LARGE1: variants seen among roughly 807,000 people sequenced by gnomAD.
The protein encoded by LARGE1 is LARGE xylosyl- and glucuronyltransferase 1.
In LARGE1, 43 loss-of-function variants were observed where a neutral mutation model predicts 87.6. The observed-to-expected ratio is 0.49, with a 90% CI of 0.38 to 0.63. The LOEUF (loss-of-function observed/expected upper bound fraction) is 0.63. Among genes scored for constraint, LARGE1 ranks in the 30% least tolerant of loss-of-function variants. LARGE1 has a pLI of 0.00. For synonymous variants in LARGE1, 434 were observed against 394.6 expected (o/e 1.10, Z -1.18); for missense variants, 802 against 1,000.2 (o/e 0.80, Z 2.67).
At chr22:33,144,204 T>C in the LARGE1 span, among the ~76,000 whole-genome samples, 7 of 152,138 alleles carry the variant, frequency 4.6e-5, no homozygotes, top group Admixed American at 6.6e-5. Context: ...AAAAAAGTGA[T>C]TGATGGCTTG....
chr22:33,905,139 C>T (rs1299441386), intron 1 of LARGE1, among the ~76,000 whole-genome samples: 2 of 146,778 alleles, frequency 1.4e-5, no homozygotes, highest in African/African-American at 5.1e-5. Context: ...GACCAGGGCT[C>T]ACTGTACCCT....
upstream of LARGE1, among the ~76,000 whole-genome samples, chr22:33,922,094 G>A (rs1484706056): frequency 2.6e-5 from 4 of 152,206 alleles, no homozygotes; most frequent in East Asian, 7.8e-4. Context: ...CGGGCGGGCC[G>A]CCGGGTCTTT....
chr22:33,189,907 G>C (rs1923686710), intron 11 of LARGE1, among the ~76,000 whole-genome samples: 1 of 152,234 alleles, frequency 6.6e-6, no homozygotes. Context: ...AGCCAGGCTT[G>C]CTGCATCTAA....
At chr22:33,418,979 G>T (rs769412048) in intron 7 of LARGE1, among the ~76,000 whole-genome samples, 1 of 152,122 alleles carries the variant, frequency 6.6e-6, no homozygotes, top group Non-Finnish European at 1.5e-5. Flanking sequence ...GAATCCCATT[G>T]TATTAGTCCA....
At chr22:33,141,291 A>G in the LARGE1 span, among the ~76,000 whole-genome samples, 63,980 of 151,684 alleles carry the variant, frequency 0.42, 13,943 homozygotes, top group South Asian at 0.68. Context: ...AACTGGCCTT[A>G]AAGATGCATA....
intron 12 of LARGE1, among the ~76,000 whole-genome samples, chr22:33,295,560 G>A (rs1602283155): frequency 6.6e-6 from 1 of 152,214 alleles, no homozygotes; most frequent in East Asian, 1.9e-4. Context: ...GGGCAGAGAG[G>A]AAGGAAGGAG....
At chr22:33,305,649 C>A in intron 11 of LARGE1, 2 of 965,496 alleles carry the variant, frequency 2.1e-6, no homozygotes, top group Non-Finnish European at 2.5e-6. Context: ...AATGGGCACA[C>A]CTATCTTGTT....
At chr22:33,138,241 A>T in the LARGE1 span, among the ~76,000 whole-genome samples, 1 of 151,992 alleles carries the variant, frequency 6.6e-6, no homozygotes. Context: ...TTAAGATTTG[A>T]CTGCCCCACT....
At chr22:33,855,333 C>CA (rs958333815) in intron 1 of LARGE1, among the ~76,000 whole-genome samples, 5 of 151,362 alleles carry the variant, frequency 3.3e-5, no homozygotes, top group South Asian at 4.2e-4. Context: ...GACCCCGTCT[C>CA]AAAAAAAATA....
At chr22:33,300,264 C>T (rs1403240523) in intron 12 of LARGE1, among the ~76,000 whole-genome samples, 4 of 152,174 alleles carry the variant, frequency 2.6e-5, no homozygotes, top group African/African-American at 7.2e-5. Context: ...TGGTAGTTAC[C>T]TTAAAGAGCA....
intron 3 of LARGE1, among the ~76,000 whole-genome samples, chr22:33,647,845 C>T (rs190278722): frequency 1.9e-3 from 284 of 152,228 alleles, no homozygotes; most frequent in African/African-American, 6.1e-3. Flanking sequence ...GCAATCTCCA[C>T]TTCCTGGGTT....
At chr22:33,853,487 A>T (rs999403566) in intron 1 of LARGE1, among the ~76,000 whole-genome samples, 7 of 152,342 alleles carry the variant, frequency 4.6e-5, no homozygotes, top group Non-Finnish European at 8.8e-5. Flanking sequence ...CTTGTTCAAC[A>T]TCTAGATGGC....
intron 3 of LARGE1, among the ~76,000 whole-genome samples, chr22:33,626,630 G>A (rs78370720): frequency 9.9e-4 from 151 of 152,286 alleles, no homozygotes; most frequent in Non-Finnish European, 1.4e-3. Flanking sequence ...CAAGCTGAGC[G>A]ACAATGACAA....
chr22:33,897,528 T>C (rs5754752), intron 1 of LARGE1, among the ~76,000 whole-genome samples: 83,842 of 151,954 alleles, frequency 0.55, 23,566 homozygotes, highest in East Asian at 0.83. Context: ...ATGACGGGAA[T>C]ACGCAAGGGA....
At chr22:33,844,102 A>G (rs1342185636) in intron 1 of LARGE1, among the ~76,000 whole-genome samples, 1 of 151,450 alleles carries the variant, frequency 6.6e-6, no homozygotes, top group Non-Finnish European at 1.5e-5. Context: ...AAAAGACAAG[A>G]AAAAACCTCC....
Position 33,273,743 on chromosome 22 carries a change from T to C in LARGE1, c.*684A>G. 2.5e-6 allele frequency: 1 copy of C among 398,378 alleles called. No homozygotes were observed. The allele number at this position is 398,378 out of a possible 1,614,324, so 24.7% of individuals were successfully genotyped here. A position where few individuals can be genotyped will look rare whatever the true frequency, so the allele number is the denominator to read the frequency against. On this transcript the variant is annotated 3_prime_UTR_variant, in exon 15 of 15. Coordinates refer to ENST00000397394, the MANE Select transcript of LARGE1 (RefSeq NM_133642.5). ...TTGGTAGAGGCAGCTGATTTTCCTTTAGAGCCTCAAAGGATCAGATTTTCT... is the reference window on the plus strand; with the variant it reads ...TTGGTAGAGGCAGCTGATTTTCCTTCAGAGCCTCAAAGGATCAGATTTTCT...
intron 1 of LARGE1, among the ~76,000 whole-genome samples, chr22:33,865,105 G>C (rs1301126926): frequency 6.6e-6 from 1 of 152,182 alleles, no homozygotes; most frequent in South Asian, 2.1e-4. Context: ...ACAGAATTCA[G>C]TGACCTCTGC....
intron 2 of LARGE1, among the ~76,000 whole-genome samples, chr22:33,738,602 G>C (rs913028414): frequency 6.6e-6 from 1 of 152,196 alleles, no homozygotes; most frequent in Non-Finnish European, 1.5e-5. Flanking sequence ...GCTCACGCCT[G>C]TAATCCCAGC....
chr22:33,679,938 C>A (rs150852480), intron 2 of LARGE1, among the ~76,000 whole-genome samples: 1 of 152,182 alleles, frequency 6.6e-6, no homozygotes, highest in African/African-American at 2.4e-5. Context: ...ATGGTTTAGC[C>A]AATACCTTGA....
Sources: gnomAD v4.1 joint callset for allele counts (sites outside exome capture counted in the v4.1 genomes callset) on GRCh38, gnomAD v4.1.1 for gene constraint, MANE v1.5 for transcripts, NCBI Gene and HGNC (gene_info 2026-07-23, HGNC 2026-07-21) for gene names.